Variants in BEST3 observed in about 807,000 individuals in gnomAD.
The protein encoded by BEST3 is bestrophin-3.
In BEST3, 50 loss-of-function variants were observed where a neutral mutation model predicts 47.1. The ratio of observed to expected loss-of-function variants is 1.06; its 90% CI spans 0.85 to 1.34. BEST3 has a LOEUF of 1.34. BEST3 is among the 40% of genes most tolerant of loss of function. The pLI is 0.00. For missense variants in BEST3, 765 were observed against 817.0 expected (o/e 0.94, Z 0.78); for synonymous variants, 282 against 298.8 (o/e 0.94, Z 0.58).
intron 5 of BEST3, among the ~76,000 whole-genome samples, chr12:69,678,277 T>C (rs775493): frequency 0.85 from 129,929 of 152,028 alleles, 55,900 homozygotes; most frequent in Middle Eastern, 0.99. Context: ...TTTTGATTAA[T>C]GAAAATACTA....
chr12:69,662,579 G>T (rs1228916085), intron 9 of BEST3, among the ~76,000 whole-genome samples: 1 of 152,120 alleles, frequency 6.6e-6, no homozygotes, highest in African/African-American at 2.4e-5. Flanking sequence ...CATATTCGTA[G>T]AACTTTTCGA....
chr12:69,648,189 C>A (rs1426336511), intron 9 of BEST3, among the ~76,000 whole-genome samples: 3 of 152,094 alleles, frequency 2.0e-5, no homozygotes, highest in African/African-American at 7.2e-5. Context: ...CAAAGAAACT[C>A]TTCTATGGAT....
At chr12:69,686,779 C>CG (rs1555208517) in intron 4 of BEST3, among the ~76,000 whole-genome samples, 5 of 99,378 alleles carry the variant, frequency 5.0e-5, no homozygotes, top group South Asian at 2.8e-4. Context: ...CTCAAAAAAA[C>CG]AAAAAAAAAA....
At chr12:69,672,086 T>C (rs1244831795) in intron 8 of BEST3, among the ~76,000 whole-genome samples, 1 of 152,262 alleles carries the variant, frequency 6.6e-6, no homozygotes. Flanking sequence ...CTCAGTGCTA[T>C]GGTGCTCTCT....
At chr12:69,649,105 G>A (rs1453631113), downstream of BEST3, among the ~76,000 whole-genome samples, 3 of 152,110 alleles carry the variant, frequency 2.0e-5, no homozygotes, top group East Asian at 1.9e-4. Flanking sequence ...AGTGATTCCC[G>A]TGCCTCAGCC....
At chr12:69,685,171 G>A (rs1428896902) in intron 4 of BEST3, among the ~76,000 whole-genome samples, 1 of 152,134 alleles carries the variant, frequency 6.6e-6, no homozygotes, top group African/African-American at 2.4e-5. Context: ...GTTTCTGGGA[G>A]TAGCAATAAG....
intron 4 of BEST3, among the ~76,000 whole-genome samples, chr12:69,682,939 G>T (rs1885341694): frequency 6.6e-6 from 1 of 152,310 alleles, no homozygotes; most frequent in South Asian, 2.1e-4. Flanking sequence ...TATGCTTAAA[G>T]ACTTGCTGTA....
At chr12:69,683,169 AGGGTTTATTT>A (rs1304467820) in intron 4 of BEST3, 1 of 152,212 alleles carries the variant, frequency 6.6e-6, no homozygotes, top group Non-Finnish European at 1.5e-5. Flanking sequence ...ATGCAGAGTG[AGGGTTTATTT>A]GGTGCAAACA....
At chr12:69,668,806 C>A (rs189785968) in intron 9 of BEST3, among the ~76,000 whole-genome samples, 1 of 152,130 alleles carries the variant, frequency 6.6e-6, no homozygotes, top group Middle Eastern at 3.2e-3. Context: ...TATGTGAGCC[C>A]GAGCCCAGTC....
At chr12:69,649,106 T>G (rs1883131694), downstream of BEST3, among the ~76,000 whole-genome samples, 1 of 152,218 alleles carries the variant, frequency 6.6e-6, no homozygotes, top group South Asian at 2.1e-4. Flanking sequence ...GTGATTCCCG[T>G]GCCTCAGCCT....
intron 9 of BEST3, chr12:69,660,339 C>T (rs1306967671): frequency 1.6e-4 from 25 of 152,168 alleles, no homozygotes; most frequent in Admixed American, 1.6e-3. Context: ...GTCTGAAGGT[C>T]ACTCCCTTTT....
At chr12:69,645,744 C>T (rs539269646) in intron 9 of BEST3, among the ~76,000 whole-genome samples, 1 of 152,054 alleles carries the variant, frequency 6.6e-6, no homozygotes, top group Non-Finnish European at 1.5e-5. Flanking sequence ...TCGTGAGGAC[C>T]GATTGAAGTG....
At chr12:69,692,348 A>G (rs2136041743) in intron 4 of BEST3, among the ~76,000 whole-genome samples, 1 of 152,380 alleles carries the variant, frequency 6.6e-6, no homozygotes, top group Middle Eastern at 3.4e-3. Flanking sequence ...ATATGTGCCA[A>G]GAATTATCTC....
intron 9 of BEST3, among the ~76,000 whole-genome samples, chr12:69,662,558 A>C (rs191821408): frequency 3.2e-4 from 48 of 152,348 alleles, no homozygotes; most frequent in Admixed American, 1.9e-3. Context: ...AATTACTAAA[A>C]AATCATGTTA....
At chr12:69,679,253 G>T (rs956482673) in intron 4 of BEST3, among the ~76,000 whole-genome samples, 4 of 152,306 alleles carry the variant, frequency 2.6e-5, no homozygotes, top group Middle Eastern at 3.4e-3. Flanking sequence ...GAATTGTTAC[G>T]ATTAAAATAA....
At chr12:69,688,490 A>C (rs1302404800) in intron 4 of BEST3, among the ~76,000 whole-genome samples, 4 of 152,218 alleles carry the variant, frequency 2.6e-5, no homozygotes, top group Non-Finnish European at 5.9e-5. Context: ...TGTAGCATCA[A>C]ATTATATATA....
intron 7 of BEST3, among the ~76,000 whole-genome samples, chr12:69,674,303 A>G (rs930165567): frequency 1.3e-5 from 2 of 152,186 alleles, no homozygotes; most frequent in African/African-American, 4.8e-5. Context: ...TTGGCTGCAC[A>G]TTAAAATCAC....
intron 9 of BEST3, chr12:69,670,468 C>T (rs1363696492): frequency 1.4e-6 from 1 of 702,804 alleles, no homozygotes; most frequent in Non-Finnish European, 2.6e-6. Flanking sequence ...TTCTTTGGGT[C>T]TGGAAAGGTT....
intron 9 of BEST3, among the ~76,000 whole-genome samples, chr12:69,671,220 A>G (rs1884547959): frequency 6.6e-6 from 1 of 152,138 alleles, no homozygotes; most frequent in Non-Finnish European, 1.5e-5. Context: ...GCTGGAGTGC[A>G]ATGGCACAAT....
Sources: allele counts gnomAD v4.1 joint callset (sites outside exome capture counted in the v4.1 genomes callset), GRCh38; gene constraint gnomAD v4.1.1; transcripts MANE v1.5; gene names NCBI Gene and HGNC (gene_info 2026-07-23, HGNC 2026-07-21).